THUMPD2: variants seen among roughly 807,000 people sequenced by gnomAD.
THUMPD2 encodes the protein THUMP domain 2 tRNA and snRNA guanosine methyltransferase.
THUMPD2 carries 56 observed loss-of-function variants against 49.4 expected under a neutral mutation model. The ratio of observed to expected loss-of-function variants is 1.13; its 90% confidence interval spans 0.91 to 1.41. The LOEUF (loss-of-function observed/expected upper bound fraction) is 1.41. Ranked by LOEUF, THUMPD2 falls within the 40% of genes most tolerant of loss-of-function variation. THUMPD2 has a pLI of 0.00. For missense variants in THUMPD2, 709 were observed against 594.5 expected, an observed-to-expected ratio of 1.19 and a Z score of -2.00; for synonymous variants, 237 against 205.2, an observed-to-expected ratio of 1.15 and a Z score of -1.32.
Position 39,736,712 on chromosome 2 carries a change from C to T in THUMPD2, c.*23G>A, listed in dbSNP as rs539558291. The T allele has an allele frequency of 1.3e-6, 2 of 1,598,416 alleles. No individual in the cohort carries two copies. The highest frequency in any genetic ancestry group is 2.7e-5 in the African/African-American group (2 of 74,502). ...TACAGCTAACTTACAAGGGCCTGAA[C>T]CCGGCTGATGGCAGCAAGCCTGCTA... On this transcript the variant is annotated 3_prime_UTR_variant, in exon 10 of 10. Coordinates refer to ENST00000505747, the MANE Select transcript of THUMPD2 (RefSeq NM_025264.5).
chr2:39,769,439 C>G (rs1233615185), intron 3 of THUMPD2: 1 of 331,490 alleles, frequency 3.0e-6, no homozygotes. Flanking sequence ...TGGTGGCTCC[C>G]GCCTGTAATC....
rs1673072012 is a variant in THUMPD2, at chr2:39,736,293, T to G, written c.*442A>C. On this transcript the variant is annotated 3_prime_UTR_variant, in exon 10 of 10. Transcript: ENST00000505747. ...CAAATACAAATTATTTTCATTCCAA[T>G]GGAGAAGAAAATTACAGGCTCAAAA... The G allele has an allele frequency of 6.5e-6, 1 of 154,020 alleles. No individual in the cohort carries two copies. The highest frequency in any genetic ancestry group is 1.4e-5 in the Non-Finnish European group (1 of 69,368). The allele number at this position is 154,020 out of a possible 1,614,324, so 9.5% of individuals were successfully genotyped here.
intron 9 of THUMPD2, among the ~76,000 whole-genome samples, chr2:39,741,538 A>C (rs1673897431): frequency 6.6e-6 from 1 of 152,160 alleles, no homozygotes; most frequent in African/African-American, 2.4e-5. Flanking sequence ...AATTTTGCTC[A>C]TGTATTTGCA....
intron 8 of THUMPD2, among the ~76,000 whole-genome samples, chr2:39,745,465 T>G (rs1674452058): frequency 6.6e-6 from 1 of 152,250 alleles, no homozygotes; most frequent in South Asian, 2.1e-4. Context: ...AAGTTATGTT[T>G]TAACCTCATG....
chr2:39,766,454 A>C (rs1441519532), intron 4 of THUMPD2, among the ~76,000 whole-genome samples: 1 of 152,166 alleles, frequency 6.6e-6, no homozygotes, highest in Non-Finnish European at 1.5e-5. Context: ...TTCTAAATCC[A>C]CCCTCATTTT....
At position 39,779,253 on chromosome 2, in the gene THUMPD2, C is replaced by T. The variant is rs1190472412; in HGVS notation, c.-14G>A. 18 of 1,476,714 alleles carry T rather than the reference C, an allele frequency of 1.2e-5. No homozygotes were observed. Among genetic ancestry groups the T allele is most frequent in the Non-Finnish European group, 1.5e-5 (17 of 1,122,586 alleles). 91.5% of individuals were successfully genotyped at this position (1,476,714 alleles called of 1,614,324 possible). A position where few individuals can be genotyped will look rare whatever the true frequency, so the allele number is the denominator to read the frequency against. ...CGCCTCCGACATGGCGGCTCAGGCG[C>T]GCCCTCGCGCCTTCGGGTCACGTGG... On this transcript the variant is annotated 5_prime_UTR_variant, in exon 1 of 10. Coordinates refer to ENST00000505747, the MANE Select transcript of THUMPD2 (RefSeq NM_025264.5).
intron 5 of THUMPD2, among the ~76,000 whole-genome samples, chr2:39,765,625 A>G (rs1218694020): frequency 1.3e-5 from 2 of 152,062 alleles, no homozygotes; most frequent in South Asian, 2.1e-4. Context: ...ACTTAATATA[A>G]TTGCTAAAAT....
intron 9 of THUMPD2, among the ~76,000 whole-genome samples, chr2:39,740,569 T>A (rs1673760425): frequency 6.6e-6 from 1 of 152,206 alleles, no homozygotes; most frequent in Non-Finnish European, 1.5e-5. Flanking sequence ...TCCATAAATG[T>A]CCTTCTAGGC....
At chr2:39,768,352 T>C in intron 4 of THUMPD2, 72 bp downstream of exon 4, 2 of 1,254,948 alleles carry the variant, frequency 1.6e-6, no homozygotes, top group Non-Finnish European at 2.3e-6. Context: ...CGGAAAAGTA[T>C]GATAAGAATA....
intron 4 of THUMPD2, among the ~76,000 whole-genome samples, chr2:39,767,676 G>A (rs982543238): frequency 6.6e-6 from 1 of 150,772 alleles, no homozygotes; most frequent in Non-Finnish European, 1.5e-5. Context: ...AACATTCTTG[G>A]GATCAAAACA....
Position 39,747,754 on chromosome 2 carries a change from G to C in THUMPD2, c.1079-3276C>G, listed in dbSNP as rs184510581. Among the ~76,000 whole-genome samples the C allele has an allele frequency of 2.9e-3, 443 of 152,080 alleles. 1 individual carries two copies. Among genetic ancestry groups the C allele is most frequent in the Middle Eastern group, 0.01 (3 of 294 alleles). ...ACTTTCAGTTCTATTTTTTCATATG[G>C]AAAGGGTAAATATTTCAGCCTTCCA... On this transcript the variant is annotated intron_variant, in intron 8 of 9. Transcript: ENST00000505747.
At chr2:39,754,307 C>T (rs1430795644) in intron 8 of THUMPD2, among the ~76,000 whole-genome samples, 1 of 152,132 alleles carries the variant, frequency 6.6e-6, no homozygotes, top group African/African-American at 2.4e-5. Flanking sequence ...AAAACCTTGG[C>T]AGAAAGGCTT....
intron 1 of THUMPD2, among the ~76,000 whole-genome samples, chr2:39,776,820 T>C (rs1403244798): frequency 6.6e-6 from 1 of 152,230 alleles, no homozygotes; most frequent in East Asian, 1.9e-4. Context: ...GGGGAGCATG[T>C]TTTCATGTTA....
chr2:39,771,196 T>C (rs761239766), intron 2 of THUMPD2, among the ~76,000 whole-genome samples: 34 of 152,136 alleles, frequency 2.2e-4, no homozygotes, highest in Non-Finnish European at 4.9e-4. Flanking sequence ...TTCATGTTTC[T>C]AAATCCAAAT....
At chr2:39,760,638 T>C (rs978813319) in intron 6 of THUMPD2, among the ~76,000 whole-genome samples, 1 of 151,900 alleles carries the variant, frequency 6.6e-6, no homozygotes, top group Non-Finnish European at 1.5e-5. Context: ...AAAAAATATG[T>C]AAAGTTGAAA....
At chr2:39,741,479 C>G (rs1323233555) in intron 9 of THUMPD2, among the ~76,000 whole-genome samples, 1 of 152,164 alleles carries the variant, frequency 6.6e-6, no homozygotes, top group African/African-American at 2.4e-5. Context: ...TCTCAAGCCT[C>G]TTTGGCACAC....
At chr2:39,744,262 T>G (rs372055799) in intron 9 of THUMPD2, 108 bp downstream of exon 9, 1 of 565,370 alleles carries the variant, frequency 1.8e-6, no homozygotes, top group East Asian at 3.4e-5. Flanking sequence ...CTACAAAAAC[T>G]CTGGGAAATT....
chr2:39,754,036 A>G (rs757933721), intron 8 of THUMPD2, among the ~76,000 whole-genome samples: 1 of 152,138 alleles, frequency 6.6e-6, no homozygotes, highest in African/African-American at 2.4e-5. Flanking sequence ...TAAAGTGAAA[A>G]TACATAAAAG....
At chr2:39,765,031 A>G (rs1172432154) in intron 5 of THUMPD2, among the ~76,000 whole-genome samples, 5 of 152,222 alleles carry the variant, frequency 3.3e-5, no homozygotes, top group Non-Finnish European at 7.3e-5. Context: ...ATAAAGTTAT[A>G]TTAGTTAAAT....
Sources: gnomAD v4.1 joint callset for allele counts (sites outside exome capture counted in the v4.1 genomes callset) on GRCh38, gnomAD v4.1.1 for gene constraint, MANE v1.5 for transcripts, NCBI Gene and HGNC (gene_info 2026-07-23, HGNC 2026-07-21) for gene names.